MAGI2: variants seen among roughly 807,000 people sequenced by gnomAD.
The protein encoded by MAGI2 is membrane associated guanylate kinase, WW and PDZ domain containing 2, also known as membrane-associated guanylate kinase, WW and PDZ domain-containing protein 2.
In MAGI2, 35 loss-of-function variants were observed where a neutral mutation model predicts 133.3. That is an observed-to-expected ratio of 0.26 (90% CI 0.20 to 0.35). The LOEUF (loss-of-function observed/expected upper bound fraction) is 0.35. Among genes scored for constraint, MAGI2 ranks in the 10% least tolerant of loss-of-function variants. MAGI2 has a pLI of 1.00. For missense variants in MAGI2, 1,636 were observed against 1,863.4 expected (o/e 0.88, Z 2.25); for synonymous variants, 729 against 710.6 (o/e 1.03, Z -0.41).
chr7:78,116,256 G>A (rs950657804), intron 20 of MAGI2, among the ~76,000 whole-genome samples: 6 of 151,356 alleles, frequency 4.0e-5, no homozygotes, highest in African/African-American at 1.5e-4. Flanking sequence ...AATGTATTTG[G>A]AACTTAATGA....
At chr7:78,059,871 G>A (rs570677018) in intron 21 of MAGI2, among the ~76,000 whole-genome samples, 1 of 151,930 alleles carries the variant, frequency 6.6e-6, no homozygotes, top group Non-Finnish European at 1.5e-5. Flanking sequence ...GACTAGAAGG[G>A]AGCTTAGAGA....
Position 78,627,236 on chromosome 7 carries a change from G to A in MAGI2, c.422C>T (p.Thr141Ile). The change falls in exon 3 of 22, where the codon ACC (threonine) becomes ATC (isoleucine). Residue 141 changes from threonine to isoleucine, a missense_variant. By Grantham distance (89) the Thr-to-Ile change is moderately conservative. Transcript: ENST00000354212. ...CTCACCCTCCTTATGTGGCCTTGTG[G>A]TGCCTGAATAAAGAAAAGTAAAAAC... ...DNLYLRTVPC[T>I]TRPHKEGEVP... 1.3e-6 allele frequency: 2 copies of A among 1,539,064 alleles called. No homozygotes were observed. Among genetic ancestry groups the A allele is most frequent in the Non-Finnish European group, 1.7e-6 (2 of 1,147,782 alleles).
intron 21 of MAGI2, 82 bp downstream of exon 21, chr7:78,078,865 T>C: frequency 6.6e-7 from 1 of 1,513,772 alleles, no homozygotes. Flanking sequence ...AGTGGAGAAC[T>C]GATGTAGTTT....
At chr7:79,363,782 G>T (rs570441720) in intron 1 of MAGI2, among the ~76,000 whole-genome samples, 1 of 151,268 alleles carries the variant, frequency 6.6e-6, no homozygotes, top group Non-Finnish European at 1.5e-5. Flanking sequence ...ACAACCTATG[G>T]ATTGGGAGAA....
intron 2 of MAGI2, among the ~76,000 whole-genome samples, chr7:78,687,962 C>A: frequency 1.0e-5 from 1 of 98,044 alleles, no homozygotes; most frequent in Non-Finnish European, 1.8e-5. Context: ...AGAGTGAGTC[C>A]TTGCCTTAAA....
At chr7:78,676,457 T>TGAA (rs1306535786) in intron 2 of MAGI2, among the ~76,000 whole-genome samples, 4 of 152,184 alleles carry the variant, frequency 2.6e-5, no homozygotes. Flanking sequence ...TCTTTTAACC[T>TGAA]GAAGAACTGT....
intron 2 of MAGI2, among the ~76,000 whole-genome samples, chr7:78,789,513 A>C (rs941929526): frequency 1.3e-5 from 2 of 149,016 alleles, no homozygotes; most frequent in African/African-American, 2.5e-5. Context: ...AATTCTTTCC[A>C]GCTCTTCTCA....
chr7:79,024,933 A>G (rs1364018162), intron 1 of MAGI2, among the ~76,000 whole-genome samples: 1 of 152,176 alleles, frequency 6.6e-6, no homozygotes, highest in Non-Finnish European at 1.5e-5. Context: ...AATATTGTGA[A>G]GGGCTGTTTG....
intron 9 of MAGI2, among the ~76,000 whole-genome samples, chr7:78,271,525 A>G (rs1001436535): frequency 6.6e-6 from 1 of 152,292 alleles, no homozygotes; most frequent in Middle Eastern, 3.4e-3. Context: ...TTTCAGAAGG[A>G]ATGGTACCAG....
At chr7:78,943,249 T>C (rs776181787) in intron 2 of MAGI2, among the ~76,000 whole-genome samples, 2 of 152,144 alleles carry the variant, frequency 1.3e-5, no homozygotes, top group Non-Finnish European at 1.5e-5. Flanking sequence ...AATTTATACC[T>C]GAGTTATTGA....
chr7:78,339,186 T>C (rs2151173096), intron 9 of MAGI2, among the ~76,000 whole-genome samples: 1 of 152,326 alleles, frequency 6.6e-6, no homozygotes, highest in South Asian at 2.1e-4. Flanking sequence ...CCTGGTGCAC[T>C]GCAATGACTA....
chr7:79,019,911 G>C (rs1809118667), intron 1 of MAGI2, among the ~76,000 whole-genome samples: 1 of 152,112 alleles, frequency 6.6e-6, no homozygotes, highest in South Asian at 2.1e-4. Context: ...TACCAGGAGT[G>C]GGGTGCTGCT....
chr7:78,241,982 A>AATAGTTAT (rs144849406), intron 10 of MAGI2, among the ~76,000 whole-genome samples: 24,243 of 151,870 alleles, frequency 0.16, 2,555 homozygotes, highest in East Asian at 0.32. Flanking sequence ...TGACATGATC[A>AATAGTTAT]ATAGTTATAT....
At chr7:78,340,541 G>A (rs545409861) in intron 9 of MAGI2, among the ~76,000 whole-genome samples, 66 of 152,206 alleles carry the variant, frequency 4.3e-4, no homozygotes, top group African/African-American at 1.4e-3. Flanking sequence ...GATGAACATC[G>A]ATGCAAAAAT....
At chr7:79,190,323 G>A (rs1827543139) in intron 1 of MAGI2, among the ~76,000 whole-genome samples, 1 of 151,844 alleles carries the variant, frequency 6.6e-6, no homozygotes, top group Non-Finnish European at 1.5e-5. Context: ...ATTCTAAAAG[G>A]CAAGTGGTGC....
chr7:78,992,213 T>A (rs1338879261), intron 2 of MAGI2, among the ~76,000 whole-genome samples: 2 of 152,170 alleles, frequency 1.3e-5, no homozygotes, highest in East Asian at 1.9e-4. Context: ...GTCAGTTGTA[T>A]GTATTCTGTT....
intron 2 of MAGI2, among the ~76,000 whole-genome samples, chr7:78,634,614 G>A (rs947193737): frequency 6.6e-6 from 1 of 152,160 alleles, no homozygotes; most frequent in African/African-American, 2.4e-5. Context: ...TATCTAGACT[G>A]GGGAAACAAG....
At chr7:79,242,936 G>A (rs921136336) in intron 1 of MAGI2, among the ~76,000 whole-genome samples, 2 of 152,072 alleles carry the variant, frequency 1.3e-5, no homozygotes, top group Admixed American at 1.3e-4. Context: ...AAAACAAGTG[G>A]CTAGGCACAG....
At chr7:79,082,737 A>G (rs1816150733) in intron 1 of MAGI2, among the ~76,000 whole-genome samples, 1 of 152,008 alleles carries the variant, frequency 6.6e-6, no homozygotes, top group South Asian at 2.1e-4. Flanking sequence ...ACAATTCTGC[A>G]TAAAAGACTG....
Sources: allele counts gnomAD v4.1 joint callset (sites outside exome capture counted in the v4.1 genomes callset), GRCh38; gene constraint gnomAD v4.1.1; transcripts MANE v1.5; gene names NCBI Gene and HGNC (gene_info 2026-07-23, HGNC 2026-07-21).